GREB1L: variants seen among roughly 807,000 people sequenced by gnomAD.
GREB1L encodes GREB1-like protein.
In GREB1L, 17 loss-of-function variants were observed where a neutral mutation model predicts 200.8. That is an observed-to-expected ratio of 0.08 (90% CI 0.06 to 0.13). The LOEUF (loss-of-function observed/expected upper bound fraction) is 0.13, where lower values mean the gene tolerates loss of function less well. GREB1L is among the 10% of genes least tolerant of loss of function. The probability of loss-of-function intolerance (pLI) is 1.00; values close to 1 mark genes in which losing one functional copy is unlikely to be tolerated. For synonymous variants in GREB1L, 789 were observed against 893.0 expected, an observed-to-expected ratio of 0.88 and a Z score of 2.08; for missense variants, 1,657 against 2,367.7, an observed-to-expected ratio of 0.70 and a Z score of 6.23.
At chr18:21,425,791 T>C (rs541308578) in intron 7 of GREB1L, among the ~76,000 whole-genome samples, 22 of 152,176 alleles carry the variant, frequency 1.4e-4, no homozygotes, top group Non-Finnish European at 2.2e-4. Flanking sequence ...ACAAGTCCTA[T>C]ATCATATACG....
chr18:21,381,476 T>G (rs1047471369), intron 2 of GREB1L, among the ~76,000 whole-genome samples: 1 of 151,844 alleles, frequency 6.6e-6, no homozygotes, highest in Non-Finnish European at 1.5e-5. Flanking sequence ...AAATTAAAAC[T>G]GAAAAATTTT....
intron 17 of GREB1L, among the ~76,000 whole-genome samples, chr18:21,483,232 G>A (rs187663868): frequency 6.6e-5 from 10 of 152,334 alleles, no homozygotes; most frequent in Admixed American, 1.3e-4. Flanking sequence ...AGAGCAGCAG[G>A]CTCGGAATAG....
chr18:21,346,162 C>T (rs76570014), intron 1 of GREB1L, among the ~76,000 whole-genome samples: 1,654 of 152,218 alleles, frequency 0.011, 20 homozygotes, highest in African/African-American at 0.036. Context: ...TGAATTACTT[C>T]GCCGTGTCAT....
At chr18:21,438,960 C>CAAAAA (rs59125788) in intron 7 of GREB1L, among the ~76,000 whole-genome samples, 55 of 62,308 alleles carry the variant, frequency 8.8e-4, no homozygotes, top group Non-Finnish European at 1.3e-3. Flanking sequence ...GACTCTGTCT[C>CAAAAA]AAAAAAAAAA....
At chr18:21,265,087 A>G (rs1034604254) in intron 1 of GREB1L, among the ~76,000 whole-genome samples, 1 of 152,184 alleles carries the variant, frequency 6.6e-6, no homozygotes, top group Non-Finnish European at 1.5e-5. Flanking sequence ...AGCAATTCAG[A>G]TTATCTCCTT....
chr18:21,255,488 G>T (rs1161172749), intron 1 of GREB1L, among the ~76,000 whole-genome samples: 1 of 152,098 alleles, frequency 6.6e-6, no homozygotes, highest in African/African-American at 2.4e-5. Flanking sequence ...TATTTACACA[G>T]TGTTTGTCAA....
chr18:21,510,773 A>G (rs1361745973), intron 27 of GREB1L, among the ~76,000 whole-genome samples: 1 of 152,126 alleles, frequency 6.6e-6, no homozygotes, highest in Admixed American at 6.6e-5. Context: ...ACTGTTTTCC[A>G]TAGTGGCTTG....
intron 31 of GREB1L, among the ~76,000 whole-genome samples, chr18:21,520,466 CATAA>C (rs781315340): frequency 6.6e-6 from 1 of 152,258 alleles, no homozygotes; most frequent in Admixed American, 6.5e-5. Context: ...TATTATGAAA[CATAA>C]ATAAGAGAAG....
chr18:21,353,475 G>C (rs1431180596), intron 1 of GREB1L, among the ~76,000 whole-genome samples: 3 of 151,984 alleles, frequency 2.0e-5, no homozygotes, highest in Non-Finnish European at 4.4e-5. Context: ...ATAGACATTA[G>C]CTCCTCAGGA....
chr18:21,520,697 T>C lies in GREB1L; in HGVS notation c.5482T>C (p.Cys1828Arg), dbSNP rs1014519639. 1.2e-5 allele frequency: 18 copies of C among 1,551,586 alleles called. No homozygotes were observed. The African/African-American group carries it at 2.3e-4, about 20-fold the overall frequency. Residue 1828 changes from cysteine (C) to arginine (R), a missense_variant, in exon 32 of 33, where the codon TGC (cysteine) becomes CGC (arginine). Physicochemically the swap from Cys to Arg is radical, Grantham distance 180. Around this residue, in one of 9 missense-constraint regions of GREB1L, gnomAD observed 190 missense variants for 230.2 expected, o/e 0.83. Transcript: ENST00000424526. ...YLNIGPEVAI[C>R]YISSRPHSSN... ...TGCTTGATGATTTCAGGTGGCCATATGCTATATCAGCTCCAGACCCCACTC... is the reference window on the plus strand; with the variant it reads ...TGCTTGATGATTTCAGGTGGCCATACGCTATATCAGCTCCAGACCCCACTC...
At chr18:21,455,563 A>T (rs535299586) in intron 15 of GREB1L, among the ~76,000 whole-genome samples, 12 of 152,112 alleles carry the variant, frequency 7.9e-5, no homozygotes, top group African/African-American at 2.9e-4. Flanking sequence ...CATGCCTGTT[A>T]TCCCAGCTAC....
At chr18:21,308,333 G>C (rs2038734700) in intron 1 of GREB1L, among the ~76,000 whole-genome samples, 1 of 152,162 alleles carries the variant, frequency 6.6e-6, no homozygotes, top group Non-Finnish European at 1.5e-5. Flanking sequence ...AACACTATTT[G>C]GTCCCTGCCA....
chr18:21,296,633 A>G (rs1313788564), intron 1 of GREB1L, among the ~76,000 whole-genome samples: 2 of 151,874 alleles, frequency 1.3e-5, no homozygotes, highest in African/African-American at 2.4e-5. Context: ...ACAGCACCCC[A>G]ATCATTCAGC....
chr18:21,349,301 A>T, intron 1 of GREB1L, among the ~76,000 whole-genome samples: 1 of 152,182 alleles, frequency 6.6e-6, no homozygotes, highest in East Asian at 1.9e-4. Flanking sequence ...TTAGTGTATA[A>T]GTCTCCTTAC....
chr18:21,349,831 A>G (rs1399811303), intron 1 of GREB1L, among the ~76,000 whole-genome samples: 1 of 152,148 alleles, frequency 6.6e-6, no homozygotes, highest in Non-Finnish European at 1.5e-5. Flanking sequence ...TTCCAATGCA[A>G]TAATAATAGA....
intron 1 of GREB1L, among the ~76,000 whole-genome samples, chr18:21,248,286 G>A (rs1463878027): frequency 6.6e-6 from 1 of 152,086 alleles, no homozygotes; most frequent in Non-Finnish European, 1.5e-5. Context: ...TTGCCTTTTG[G>A]GGTTGTGGGC....
At chr18:21,441,675 C>A in intron 10 of GREB1L, 138 bp downstream of exon 10, 1 of 866,464 alleles carries the variant, frequency 1.2e-6, no homozygotes, top group Non-Finnish European at 1.7e-6. Context: ...TCAGCTCTTT[C>A]ATGCTATATT....
At chr18:21,464,304 C>T (rs1292532727) in intron 15 of GREB1L, among the ~76,000 whole-genome samples, 8 of 151,864 alleles carry the variant, frequency 5.3e-5, no homozygotes, top group African/African-American at 1.9e-4. Flanking sequence ...CCGAGGGGGG[C>T]GGATCATGAG....
At chr18:21,450,859 CA>C in intron 12 of GREB1L, 163 bp from the exon 13 acceptor site, 1 of 572,392 alleles carries the variant, frequency 1.7e-6, no homozygotes. Flanking sequence ...ATTGATATTT[CA>C]AATGCTATAT....
Sources: allele counts gnomAD v4.1 joint callset (sites outside exome capture counted in the v4.1 genomes callset), GRCh38; gene constraint gnomAD v4.1.1; regional missense constraint gnomAD v4.1.1; transcripts MANE v1.5; gene names NCBI Gene and HGNC (gene_info 2026-07-23, HGNC 2026-07-21).